The following AHCTF1 variants were observed in gnomAD, a reference collection of about 807,000 sequenced individuals.
AHCTF1 encodes protein ELYS.
AHCTF1 carries 24 observed loss-of-function variants against 248.4 expected under a neutral mutation model. The ratio of observed to expected loss-of-function variants is 0.10; its 90% CI spans 0.07 to 0.14. The LOEUF (loss-of-function observed/expected upper bound fraction) is 0.14. Among genes scored for constraint, AHCTF1 ranks in the 10% least tolerant of loss-of-function variants. The probability of loss-of-function intolerance (pLI) is 1.00; values close to 1 mark genes in which losing one functional copy is unlikely to be tolerated. For missense variants in AHCTF1, 2,206 were observed against 2,636.2 expected, an observed-to-expected ratio of 0.84 and a Z score of 3.57; for synonymous variants, 786 against 929.8, an observed-to-expected ratio of 0.85 and a Z score of 2.81.
chr1:246,923,745 G>A lies in AHCTF1; in HGVS notation c.-7-5368C>T, dbSNP rs1210768219. ...ATGAAATGTGTGCGTGCATGCGTGT[G>A]TGTGTGTGTGCGCGTAGCACACAGG... On this transcript the variant is annotated intron_variant, in intron 1 of 35. Coordinates refer to ENST00000648844, the MANE Select transcript of AHCTF1 (RefSeq NM_001323342.2). Among the ~76,000 whole-genome samples, 3 of 80,118 alleles carry A rather than the reference G, an allele frequency of 3.7e-5. No homozygotes were observed. The Admixed American group carries it at 4.2e-4, about 11-fold the overall frequency. 52.6% of individuals were successfully genotyped at this position (80,118 alleles called of 152,430 possible). A position where few individuals can be genotyped will look rare whatever the true frequency, so the allele number is the denominator to read the frequency against.
At chr1:246,892,237 T>G (rs1664252846) in intron 14 of AHCTF1, among the ~76,000 whole-genome samples, 1 of 151,808 alleles carries the variant, frequency 6.6e-6, no homozygotes, top group Non-Finnish European at 1.5e-5. Context: ...AATGTGTCAC[T>G]GGTCTAGAAA....
Position 246,877,244 on chromosome 1 carries a change from C to T in AHCTF1, c.2719G>A (p.Glu907Lys), listed in dbSNP as rs540928507. The T allele has an allele frequency of 4.3e-6, 7 of 1,612,970 alleles. No individual in the cohort carries two copies. The African/African-American group carries it at 8.0e-5, about 18-fold the overall frequency. ...RQHCNRLNIEELLKHMYEVCQ... is the reference protein window; with the variant it reads ...RQHCNRLNIEKLLKHMYEVCQ... ...ACTTCATACATGTGCTTCAGTAACTCCTCTATATTCAACCTATTGCAATGT... is the reference window on the plus strand; with the variant it reads ...ACTTCATACATGTGCTTCAGTAACTTCTCTATATTCAACCTATTGCAATGT... The change falls in exon 22 of 36, where the codon GAG (glutamate) becomes AAG (lysine). Residue 907 changes from glutamate (E) to lysine (K), a missense_variant. By Grantham distance (56) the Glu-to-Lys change is moderately conservative. This residue lies in a region of AHCTF1 where 955 missense variants were observed against 1,055.6 expected (regional missense o/e 0.90). Coordinates refer to ENST00000648844, the MANE Select transcript of AHCTF1 (RefSeq NM_001323342.2).
At chr1:246,924,404 G>A (rs1666788710) in intron 1 of AHCTF1, among the ~76,000 whole-genome samples, 1 of 151,970 alleles carries the variant, frequency 6.6e-6, no homozygotes, top group African/African-American at 2.4e-5. Flanking sequence ...TTTGTGTGAT[G>A]CAAATTTGTG....
intron 24 of AHCTF1, among the ~76,000 whole-genome samples, chr1:246,870,412 G>C (rs1380443580): frequency 6.6e-6 from 1 of 152,066 alleles, no homozygotes; most frequent in Non-Finnish European, 1.5e-5. Flanking sequence ...GACAGACAAA[G>C]ACCTTGTCTC....
intron 21 of AHCTF1, among the ~76,000 whole-genome samples, chr1:246,880,943 A>G (rs1663355968): frequency 6.6e-6 from 1 of 152,252 alleles, no homozygotes; most frequent in Admixed American, 6.5e-5. Context: ...AGTCATTTTA[A>G]TAAGGAATGC....
At position 246,851,275 on chromosome 1, in the gene AHCTF1, G is replaced by C. The variant is rs372613414; in HGVS notation, c.4731C>G (p.Asp1577Glu). 7 of 1,613,832 alleles carry C rather than the reference G, an allele frequency of 4.3e-6. No individual in the cohort carries two copies. The highest frequency in any genetic ancestry group is 2.7e-5 in the African/African-American group (2 of 74,910). ...AAAGTTCCCCATCTACTTCAGCAAT[G>C]TCACATTCAGCAGTGTCTTTGTTAT... ...LADNKDTAEC[D>E]IAEVDGELFV... The change falls in exon 33 of 36, where the codon GAC becomes GAG. Residue 1577 changes from aspartate (D) to glutamate (E), a missense_variant. By Grantham distance (45) the Asp-to-Glu change is conservative. Coordinates refer to ENST00000648844, the MANE Select transcript of AHCTF1 (RefSeq NM_001323342.2).
At chr1:246,861,802 T>G (rs1661572330) in intron 28 of AHCTF1, among the ~76,000 whole-genome samples, 157 bp downstream of exon 28, 1 of 152,248 alleles carries the variant, frequency 6.6e-6, no homozygotes, top group Non-Finnish European at 1.5e-5. Context: ...AGTGTTTCTT[T>G]CAGAACTAAC....
In AHCTF1 at chr1:246,839,920, G is replaced by A. The variant is rs1659735565; in HGVS notation, c.*886C>T. ...CAATAATCTGTGCCTGAGGTCCTGT[G>A]AGAATTTGCCAGTTTTAAAACCTGA... On this transcript the variant is annotated 3_prime_UTR_variant, in exon 36 of 36. Coordinates refer to ENST00000648844, the MANE Select transcript of AHCTF1 (RefSeq NM_001323342.2). The A allele has an allele frequency of 6.6e-6, 1 of 152,536 alleles. No individual in the cohort carries two copies. The highest frequency in any genetic ancestry group is 1.5e-5 in the Non-Finnish European group (1 of 68,028). The allele number at this position is 152,536 out of a possible 1,614,324, so 9.4% of individuals were successfully genotyped here.
intron 21 of AHCTF1, among the ~76,000 whole-genome samples, chr1:246,884,149 CTTTA>C (rs1663649483): frequency 1.3e-5 from 2 of 152,092 alleles, no homozygotes; most frequent in Non-Finnish European, 2.9e-5. Flanking sequence ...CATTTAGCTT[CTTTA>C]TTTTGTTCTT....
At chr1:246,914,614 A>G (rs1171201033) in intron 3 of AHCTF1, among the ~76,000 whole-genome samples, 1 of 152,198 alleles carries the variant, frequency 6.6e-6, no homozygotes, top group Non-Finnish European at 1.5e-5. Context: ...TAAAAATACT[A>G]TATGAAGTGA....
At chr1:246,892,764 T>C (rs1279169776) in intron 14 of AHCTF1, among the ~76,000 whole-genome samples, 1 of 152,240 alleles carries the variant, frequency 6.6e-6, no homozygotes, top group East Asian at 1.9e-4. Context: ...CCCAAGGAGC[T>C]GGGACTATAG....
chr1:246,854,477 T>A (rs1660961632), intron 31 of AHCTF1, among the ~76,000 whole-genome samples: 1 of 151,842 alleles, frequency 6.6e-6, no homozygotes. Context: ...AGCAATTAGT[T>A]AAGCATGTAA....
At chr1:246,860,816 T>A in intron 29 of AHCTF1, 83 bp downstream of exon 29, 1 of 1,525,350 alleles carries the variant, frequency 6.6e-7, no homozygotes, top group African/African-American at 1.4e-5. Context: ...TAGGATGCTT[T>A]TCTTATGGTG....
At chr1:246,880,928 A>G (rs1051694722) in intron 21 of AHCTF1, among the ~76,000 whole-genome samples, 1 of 152,236 alleles carries the variant, frequency 6.6e-6, no homozygotes, top group Non-Finnish European at 1.5e-5. Flanking sequence ...AGTAAAAGAC[A>G]TAGAAGTCAT....
At chr1:246,846,262 C>T (rs1406430361) in intron 33 of AHCTF1, among the ~76,000 whole-genome samples, 4 of 151,468 alleles carry the variant, frequency 2.6e-5, no homozygotes, top group Non-Finnish European at 2.9e-5. Context: ...TATAGTATAC[C>T]TATACCCAGT....
chr1:246,856,261 C>A (rs938218084), intron 30 of AHCTF1, among the ~76,000 whole-genome samples: 1 of 152,052 alleles, frequency 6.6e-6, no homozygotes, highest in Non-Finnish European at 1.5e-5. Context: ...AATAAGAGAC[C>A]AATGAAACCT....
Position 246,877,068 on chromosome 1 carries a change from T to C in AHCTF1, c.2819A>G (p.Lys940Arg). ...FTDTEQECLVKFLQSSASVQN... is the reference protein window; with the variant it reads ...FTDTEQECLVRFLQSSASVQN... ...AACGCTGGCACTGGACTGCAAAAAT[T>C]TCACTAAACATTCCTAAAAAGAACA... Residue 940 changes from lysine (K) to arginine (R), a missense_variant, in exon 23 of 36, where the codon AAA becomes AGA. Lys to Arg is a conservative substitution (Grantham distance 26, BLOSUM62 2). This residue lies in a region of AHCTF1 where 955 missense variants were observed against 1,055.6 expected (regional missense o/e 0.90). Coordinates refer to ENST00000648844, the MANE Select transcript of AHCTF1 (RefSeq NM_001323342.2). 1 of 1,612,176 alleles carries C rather than the reference T, an allele frequency of 6.2e-7. No homozygotes were observed. The highest frequency in any genetic ancestry group is 8.5e-7 in the Non-Finnish European group (1 of 1,179,974).
At chr1:246,888,317 C>G (rs1163602192) in intron 18 of AHCTF1, 77 bp downstream of exon 18, 1 of 1,611,776 alleles carries the variant, frequency 6.2e-7, no homozygotes. Context: ...AAGTTTGTGC[C>G]AGACACACAG....
intron 30 of AHCTF1, 37 bp downstream of exon 30, chr1:246,857,650 CTTCT>C (rs1214692403): frequency 4.5e-6 from 7 of 1,560,406 alleles, no homozygotes; most frequent in Non-Finnish European, 6.1e-6. Context: ...TTTCATTAAA[CTTCT>C]TTCTAAAAGT....
Sources: gnomAD v4.1 joint callset for allele counts (sites outside exome capture counted in the v4.1 genomes callset) on GRCh38, gnomAD v4.1.1 for gene constraint, gnomAD v4.1.1 regional missense constraint, MANE v1.5 for transcripts, NCBI Gene and HGNC (gene_info 2026-07-23, HGNC 2026-07-21) for gene names.